The following TAFA2 variants were observed in gnomAD, a reference collection of about 807,000 sequenced individuals.
TAFA2 encodes the protein chemokine-like protein TAFA-2.
In TAFA2, 7 loss-of-function variants were observed where a neutral mutation model predicts 18.8. That is an observed-to-expected ratio of 0.37 (90% confidence interval 0.21 to 0.70). TAFA2 has a LOEUF of 0.70. Ranked by LOEUF, TAFA2 falls within the 30% of genes least tolerant of loss-of-function variation. The pLI is 0.53. For synonymous variants in TAFA2, 60 were observed against 54.2 expected (o/e 1.11, Z -0.47); for missense variants, 122 against 158.1 (o/e 0.77, Z 1.23).
intron 1 of TAFA2, among the ~76,000 whole-genome samples, chr12:62,047,130 T>C (rs1881930234): frequency 6.6e-6 from 1 of 152,104 alleles, no homozygotes; most frequent in Admixed American, 6.6e-5. Context: ...AGTGTACTGA[T>C]TTAATAATAA....
At chr12:61,808,010 G>C (rs187142249) in intron 2 of TAFA2, among the ~76,000 whole-genome samples, 1 of 151,662 alleles carries the variant, frequency 6.6e-6, no homozygotes, top group African/African-American at 2.4e-5. Flanking sequence ...TAAGACTTTG[G>C]AGGACTATTG....
chr12:62,153,507 A>G (rs1291338372), intron 1 of TAFA2, among the ~76,000 whole-genome samples: 1 of 152,070 alleles, frequency 6.6e-6, no homozygotes, highest in Non-Finnish European at 1.5e-5. Flanking sequence ...TACAAAAAAA[A>G]TTAACATTAA....
intron 1 of TAFA2, among the ~76,000 whole-genome samples, chr12:61,966,898 GTT>G (rs1403108554): frequency 1.3e-5 from 2 of 151,814 alleles, no homozygotes; most frequent in Non-Finnish European, 2.9e-5. Context: ...AATTCCTTGT[GTT>G]TTGCCAGTCA....
intron 1 of TAFA2, among the ~76,000 whole-genome samples, chr12:62,147,332 A>ATATATATATATGTGTG (rs1565760169): frequency 4.9e-4 from 26 of 53,286 alleles, no homozygotes; most frequent in Non-Finnish European, 6.2e-4. Context: ...GTATGTATAT[A>ATATATATATATGTGTG]TATATATATA....
chr12:62,031,662 C>T (rs1459783062), intron 1 of TAFA2, among the ~76,000 whole-genome samples: 1 of 152,036 alleles, frequency 6.6e-6, no homozygotes, highest in Non-Finnish European at 1.5e-5. Flanking sequence ...ATGACATTTA[C>T]CTGTATATAT....
chr12:61,935,572 A>G (rs1405967740), intron 1 of TAFA2, among the ~76,000 whole-genome samples: 1 of 152,240 alleles, frequency 6.6e-6, no homozygotes, highest in Non-Finnish European at 1.5e-5. Flanking sequence ...CTTAACAAGA[A>G]TCACAGTTTT....
intron 1 of TAFA2, among the ~76,000 whole-genome samples, chr12:61,886,657 G>C (rs922961425): frequency 2.0e-5 from 3 of 152,134 alleles, no homozygotes; most frequent in East Asian, 1.9e-4. Context: ...CCACTTGCTG[G>C]AGTTGATCAC....
intron 1 of TAFA2, among the ~76,000 whole-genome samples, chr12:62,050,446 C>T (rs1253031830): frequency 1.3e-5 from 2 of 151,864 alleles, no homozygotes; most frequent in African/African-American, 4.8e-5. Flanking sequence ...GTGGCAGGCA[C>T]CTATAGTCAC....
chr12:62,000,602 A>C lies in TAFA2; in HGVS notation c.-1-133176T>G, dbSNP rs1880346545. Among the ~76,000 whole-genome samples the C allele has an allele frequency of 1.5e-5, 2 of 137,320 alleles. 1 individual carries two copies. Among genetic ancestry groups the C allele is most frequent in the Admixed American group, 1.7e-4 (2 of 12,058 alleles). 90.1% of individuals were successfully genotyped at this position (137,320 alleles called of 152,430 possible). A position where few individuals can be genotyped will look rare whatever the true frequency, so the allele number is the denominator to read the frequency against. On this transcript the variant is annotated intron_variant, in intron 1 of 4. Transcript: ENST00000416284. ...CAGTGATATATCTATGTATTTAAACATGCATAAATATGTGCACACACAAAA... is the reference window on the plus strand; with the variant it reads ...CAGTGATATATCTATGTATTTAAACCTGCATAAATATGTGCACACACAAAA...
intron 1 of TAFA2, among the ~76,000 whole-genome samples, chr12:61,889,182 A>T (rs919589066): frequency 6.6e-6 from 1 of 152,200 alleles, no homozygotes; most frequent in Non-Finnish European, 1.5e-5. Context: ...TCCATGACAC[A>T]CCGAAAGCAT....
chr12:62,060,595 T>A (rs1882320529), intron 1 of TAFA2, among the ~76,000 whole-genome samples: 1 of 152,202 alleles, frequency 6.6e-6, no homozygotes, highest in Admixed American at 6.5e-5. Context: ...CTTAAAAAAA[T>A]TTAACTGTAA....
chr12:61,767,196 C>A (rs564458144), intron 2 of TAFA2, among the ~76,000 whole-genome samples: 1 of 152,198 alleles, frequency 6.6e-6, no homozygotes, highest in East Asian at 1.9e-4. Context: ...TGGACTCTGA[C>A]CTAGGATATC....
At chr12:62,014,817 C>T (rs1353463216) in intron 1 of TAFA2, among the ~76,000 whole-genome samples, 1 of 151,958 alleles carries the variant, frequency 6.6e-6, no homozygotes, top group African/African-American at 2.4e-5. Flanking sequence ...TATGACCAAC[C>T]AGATTTGGAA....
intron 2 of TAFA2, among the ~76,000 whole-genome samples, chr12:61,838,412 A>C (rs981376540): frequency 6.6e-6 from 1 of 152,028 alleles, no homozygotes; most frequent in Non-Finnish European, 1.5e-5. Context: ...TTACTCACAT[A>C]AGCAGGCAAA....
chr12:62,174,359 C>T (rs746223930), intron 1 of TAFA2, among the ~76,000 whole-genome samples: 6 of 152,034 alleles, frequency 3.9e-5, no homozygotes, highest in Non-Finnish European at 5.9e-5. Context: ...AGAGACATAT[C>T]GAGAACAGGC....
At chr12:61,915,309 C>T (rs561086791) in intron 1 of TAFA2, among the ~76,000 whole-genome samples, 27 of 152,202 alleles carry the variant, frequency 1.8e-4, no homozygotes, top group Non-Finnish European at 3.8e-4. Context: ...ATCCAATCAT[C>T]TCTACAAGCT....
At chr12:61,999,163 G>C (rs1191021748) in intron 1 of TAFA2, among the ~76,000 whole-genome samples, 3 of 152,114 alleles carry the variant, frequency 2.0e-5, no homozygotes, top group Non-Finnish European at 4.4e-5. Flanking sequence ...TTAATTCTAG[G>C]GGGTAGTTCC....
chr12:61,935,720 C>A lies in TAFA2; in HGVS notation c.-1-68294G>T, dbSNP rs562967943. 1.2e-4 allele frequency among the ~76,000 whole-genome samples: 19 copies of A among 152,006 alleles called. No individual in the cohort carries two copies. The South Asian group carries it at 3.7e-3, about 30-fold the overall frequency. ...GAGATTTTAAACATCTGAATTCTAACCTCTACACAAACAAATTAGAAAATC... is the reference window on the plus strand; with the variant it reads ...GAGATTTTAAACATCTGAATTCTAAACTCTACACAAACAAATTAGAAAATC... On this transcript the variant is annotated intron_variant, in intron 1 of 4. Transcript: ENST00000416284.
At chr12:61,791,838 C>T (rs1412139908) in intron 2 of TAFA2, among the ~76,000 whole-genome samples, 1 of 151,600 alleles carries the variant, frequency 6.6e-6, no homozygotes, top group Non-Finnish European at 1.5e-5. Context: ...AATAGAACTA[C>T]TATATGATCC....
Sources: allele counts gnomAD v4.1 joint callset (sites outside exome capture counted in the v4.1 genomes callset), GRCh38; gene constraint gnomAD v4.1.1; transcripts MANE v1.5; gene names NCBI Gene and HGNC (gene_info 2026-07-23, HGNC 2026-07-21).